Variants in PTPRG observed in about 807,000 individuals in gnomAD.
The protein encoded by PTPRG is receptor-type tyrosine-protein phosphatase gamma.
PTPRG carries 102 observed loss-of-function variants against 165.3 expected under a neutral mutation model. The ratio of observed to expected loss-of-function variants is 0.62; its 90% CI spans 0.53 to 0.73. The LOEUF (loss-of-function observed/expected upper bound fraction) is 0.73. Among genes scored for constraint, PTPRG ranks in the 30% least tolerant of loss-of-function variants. The pLI, the probability that PTPRG is intolerant of heterozygous loss-of-function variation, is 0.00. For missense variants in PTPRG, 1,866 were observed against 1,861.4 expected, an observed-to-expected ratio of 1.00 and a Z score of -0.05; for synonymous variants, 675 against 669.5, an observed-to-expected ratio of 1.01 and a Z score of -0.13.
intron 1 of PTPRG, among the ~76,000 whole-genome samples, chr3:61,585,667 AGCCC>A (rs1341408203): frequency 6.6e-6 from 1 of 152,164 alleles, no homozygotes; most frequent in Admixed American, 6.5e-5. Context: ...GGATGGCTTC[AGCCC>A]AGGAGGCAAA....
chr3:61,618,975 C>CAAAAAA (rs57427703), intron 1 of PTPRG, among the ~76,000 whole-genome samples: 1 of 72,948 alleles, frequency 1.4e-5, no homozygotes, highest in Non-Finnish European at 2.9e-5. Context: ...GATCCTGTCT[C>CAAAAAA]AAAAAAAAAA....
At chr3:61,719,591 T>A (rs2031963243) in intron 1 of PTPRG, among the ~76,000 whole-genome samples, 1 of 152,182 alleles carries the variant, frequency 6.6e-6, no homozygotes, top group African/African-American at 2.4e-5. Flanking sequence ...ACCTAACTGG[T>A]GGCTGGCCCT....
intron 1 of PTPRG, among the ~76,000 whole-genome samples, chr3:61,613,479 A>G (rs1272339746): frequency 3.9e-5 from 6 of 152,212 alleles, no homozygotes; most frequent in Non-Finnish European, 1.5e-5. Context: ...TGTTTCTTAG[A>G]TTGGAAGGAT....
chr3:62,205,554 A>G (rs959108223), intron 12 of PTPRG, among the ~76,000 whole-genome samples: 1 of 151,896 alleles, frequency 6.6e-6, no homozygotes, highest in Non-Finnish European at 1.5e-5. Flanking sequence ...CTGAGTGGTC[A>G]AGGATGACCT....
chr3:61,896,670 G>A (rs2038360053), intron 2 of PTPRG, among the ~76,000 whole-genome samples: 1 of 152,096 alleles, frequency 6.6e-6, no homozygotes, highest in Non-Finnish European at 1.5e-5. Flanking sequence ...CATTCCTGTA[G>A]CAACATATCT....
At chr3:61,946,602 A>G (rs192437262) in intron 2 of PTPRG, among the ~76,000 whole-genome samples, 2 of 152,314 alleles carry the variant, frequency 1.3e-5, no homozygotes, top group East Asian at 3.9e-4. Flanking sequence ...TCTACAGGTA[A>G]ACCAAGTACA....
chr3:62,124,438 C>G (rs1442830217), intron 5 of PTPRG: 10 of 1,613,850 alleles, frequency 6.2e-6, no homozygotes, highest in African/African-American at 1.3e-5. Context: ...TGCTCACATT[C>G]TTGTTCTGGG....
At position 62,297,041 on chromosome 3, in the gene PTPRG, C is replaced by G. The variant is rs568784077; in HGVS notation, c.*3734C>G. On this transcript the variant is annotated 3_prime_UTR_variant, in exon 30 of 30. Coordinates refer to ENST00000474889, the MANE Select transcript of PTPRG (RefSeq NM_002841.4). ...AAGCAGCCATTGTTTCTAAAGAATT[C>G]TGGCTTCACATTGACTCATGTTTCT... 6.6e-6 allele frequency: 1 copy of G among 152,000 alleles called. No homozygotes were observed. The highest frequency in any genetic ancestry group is 2.4e-5 in the African/African-American group (1 of 41,416). The allele number at this position is 152,000 out of a possible 1,614,324, so 9.4% of individuals were successfully genotyped here.
intron 4 of PTPRG, among the ~76,000 whole-genome samples, chr3:62,018,382 A>C (rs768390564): frequency 5.3e-5 from 8 of 152,214 alleles, no homozygotes; most frequent in Non-Finnish European, 7.3e-5. Flanking sequence ...ATGCCTCTCC[A>C]TTGTGCTCAA....
At chr3:62,200,416 G>A (rs763309184) in intron 10 of PTPRG, among the ~76,000 whole-genome samples, 12 of 151,648 alleles carry the variant, frequency 7.9e-5, no homozygotes, top group South Asian at 4.2e-4. Context: ...GACTGCAGGC[G>A]TTCACCACCA....
At chr3:61,936,061 C>T (rs2039476630) in intron 2 of PTPRG, among the ~76,000 whole-genome samples, 1 of 152,140 alleles carries the variant, frequency 6.6e-6, no homozygotes, top group East Asian at 1.9e-4. Context: ...ATTCCCTCTG[C>T]CACATGAGGA....
At chr3:62,089,080 A>T (rs1193674201) in intron 5 of PTPRG, among the ~76,000 whole-genome samples, 3 of 152,174 alleles carry the variant, frequency 2.0e-5, no homozygotes, top group African/African-American at 7.2e-5. Context: ...CTCTATCTAC[A>T]GCATCTTAAC....
At chr3:61,880,379 G>A (rs1451597318) in intron 2 of PTPRG, among the ~76,000 whole-genome samples, 2 of 152,132 alleles carry the variant, frequency 1.3e-5, no homozygotes, top group Non-Finnish European at 2.9e-5. Flanking sequence ...CAGAACTTCG[G>A]GAGACCAAGG....
At chr3:61,671,057 G>T (rs1442139048) in intron 1 of PTPRG, among the ~76,000 whole-genome samples, 1 of 151,180 alleles carries the variant, frequency 6.6e-6, no homozygotes, top group East Asian at 1.9e-4. Flanking sequence ...AGGAGATGGG[G>T]AATAAAAAAT....
chr3:61,979,725 A>T (rs1251221426), intron 2 of PTPRG, among the ~76,000 whole-genome samples: 1 of 152,212 alleles, frequency 6.6e-6, no homozygotes, highest in African/African-American at 2.4e-5. Context: ...TACCGCATAA[A>T]TATGGTGCTT....
chr3:62,158,038 T>C (rs1186263437), intron 7 of PTPRG, among the ~76,000 whole-genome samples: 3 of 152,200 alleles, frequency 2.0e-5, no homozygotes, highest in African/African-American at 7.2e-5. Context: ...CCCATGTTTC[T>C]GACCACTATA....
At chr3:61,938,222 C>A (rs1426704720) in intron 2 of PTPRG, among the ~76,000 whole-genome samples, 1 of 140,242 alleles carries the variant, frequency 7.1e-6, no homozygotes, top group Non-Finnish European at 1.5e-5. Flanking sequence ...CTTATCACCC[C>A]TTTTTCTTTT....
At chr3:62,003,854 T>C (rs185824906) in intron 4 of PTPRG, among the ~76,000 whole-genome samples, 53 of 152,318 alleles carry the variant, frequency 3.5e-4, no homozygotes, top group African/African-American at 1.0e-3. Flanking sequence ...CTTAAGAAAA[T>C]AGAAAAGTTG....
intron 2 of PTPRG, chr3:61,750,220 G>T (rs778065431): frequency 6.6e-6 from 1 of 152,146 alleles, no homozygotes; most frequent in Non-Finnish European, 1.5e-5. Context: ...ATAGCATCTT[G>T]CCAAGAAACC....
Sources: allele counts gnomAD v4.1 joint callset (sites outside exome capture counted in the v4.1 genomes callset), GRCh38; gene constraint gnomAD v4.1.1; transcripts MANE v1.5; gene names NCBI Gene and HGNC (gene_info 2026-07-23, HGNC 2026-07-21).